ICE2: variants seen among roughly 807,000 people sequenced by gnomAD.
ICE2 encodes the protein little elongation complex subunit 2.
Under a neutral mutation model 105.4 loss-of-function variants are expected in ICE2, and 87 were observed. The ratio of observed to expected loss-of-function variants is 0.83; its 90% CI spans 0.69 to 0.99. The LOEUF (loss-of-function observed/expected upper bound fraction) is 0.99. Ranked by LOEUF, ICE2 falls within the 50% of genes least tolerant of loss-of-function variation. The pLI is 0.00. For missense variants in ICE2, 1,323 were observed against 1,146.7 expected, an observed-to-expected ratio of 1.15 and a Z score of -2.22; for synonymous variants, 399 against 392.0, an observed-to-expected ratio of 1.02 and a Z score of -0.21.
At chr15:60,434,040 C>T (rs2063523195) in intron 13 of ICE2, among the ~76,000 whole-genome samples, 1 of 152,070 alleles carries the variant, frequency 6.6e-6, no homozygotes, top group Admixed American at 6.6e-5. Flanking sequence ...CATTTCTTAC[C>T]CTAAGTGGGA....
At position 60,449,535 on chromosome 15, in the gene ICE2, G is replaced by A. The variant is rs2063910009; in HGVS notation, c.1432C>T (p.Pro478Ser). ...TCATCTTTATTTTTGCATTCCTCAG[G>A]GCCACCATCCATACCAGTGACCAGC... is the stretch of plus-strand genomic sequence containing the variant. ...KQLVTGMDGG[P>S]EECKNKDDQG... Residue 478 changes from proline to serine, a missense_variant, in exon 10 of 16, where the codon CCT becomes TCT. Transcript: ENST00000261520. The A allele has an allele frequency of 6.2e-7, 1 of 1,613,938 alleles. No individual in the cohort carries two copies. The highest frequency in any genetic ancestry group is 2.2e-5 in the East Asian group (1 of 44,880).
At chr15:60,429,812 T>C (rs750712522) in intron 14 of ICE2, among the ~76,000 whole-genome samples, 1 of 152,194 alleles carries the variant, frequency 6.6e-6, no homozygotes, top group African/African-American at 2.4e-5. Flanking sequence ...ATAGTAGGAA[T>C]AAATAACATT....
intron 11 of ICE2, among the ~76,000 whole-genome samples, chr15:60,444,943 C>A (rs2063791462): frequency 6.6e-6 from 1 of 152,172 alleles, no homozygotes; most frequent in Non-Finnish European, 1.5e-5. Flanking sequence ...CCTTGGCCTC[C>A]AAAAGAGTTG....
Position 60,448,857 on chromosome 15 carries a change from G to C in ICE2, c.2110C>G (p.Pro704Ala). 6.3e-7 allele frequency: 1 copy of C among 1,579,134 alleles called. No homozygotes were observed. Among genetic ancestry groups the C allele is most frequent in the Non-Finnish European group, 8.6e-7 (1 of 1,167,856 alleles). ...KSGWPSAFQK[P>A]KGRLPYELQD... is the part of the protein sequence containing the mutation. Reference sequence around the variant, plus strand: ...GTAAATATTTACTTACGTCCTTTTGGCTTCTGAAATGCAGAAGGCCATCCA... The same window carrying C: ...GTAAATATTTACTTACGTCCTTTTGCCTTCTGAAATGCAGAAGGCCATCCA... The change falls in exon 10 of 16, where the codon CCA (proline) becomes GCA (alanine). Residue 704 changes from proline (P) to alanine (A), a missense_variant. By Grantham distance (27) the Pro-to-Ala change is conservative (BLOSUM62 -1). Transcript: ENST00000261520.
At chr15:60,458,414 C>A (rs1415437403) in intron 5 of ICE2, among the ~76,000 whole-genome samples, 1 of 151,862 alleles carries the variant, frequency 6.6e-6, no homozygotes, top group East Asian at 1.9e-4. Context: ...TTATTTTGGG[C>A]TGGAAAGGAA....
At chr15:60,433,339 G>A (rs1222272884) in intron 13 of ICE2, among the ~76,000 whole-genome samples, 2 of 152,016 alleles carry the variant, frequency 1.3e-5, no homozygotes, top group Admixed American at 1.3e-4. Context: ...ACCCGCCTCA[G>A]CTTCCCAAAG....
chr15:60,466,296 A>C (rs2064425837), intron 5 of ICE2, among the ~76,000 whole-genome samples: 1 of 152,238 alleles, frequency 6.6e-6, no homozygotes. Flanking sequence ...TTTAAATGCT[A>C]TTCTCTCACA....
intron 13 of ICE2, among the ~76,000 whole-genome samples, chr15:60,434,408 A>C (rs2063533495): frequency 6.6e-6 from 1 of 152,098 alleles, no homozygotes; most frequent in South Asian, 2.1e-4. Context: ...GCCTCCCTTA[A>C]GTAAAAAGGC....
intron 4 of ICE2, 22 bp from the exon 5 acceptor site, chr15:60,466,735 AT>A: frequency 6.4e-7 from 1 of 1,557,998 alleles, no homozygotes; most frequent in South Asian, 1.2e-5. Context: ...AAAAGTAGAC[AT>A]GTCTTGGGAT....
chr15:60,424,746 T>C (rs546213090), intron 15 of ICE2, among the ~76,000 whole-genome samples: 54 of 152,326 alleles, frequency 3.5e-4, no homozygotes, highest in African/African-American at 1.3e-3. Flanking sequence ...CCTCAAGTGA[T>C]CTGCCCGCCT....
intron 12 of ICE2, chr15:60,438,727 G>A (rs1017903346): frequency 6.6e-6 from 1 of 152,186 alleles, no homozygotes; most frequent in African/African-American, 2.4e-5. Context: ...ACCTACTCAA[G>A]GAGTTCACAA....
chr15:60,432,810 C>T (rs555478617), intron 13 of ICE2, among the ~76,000 whole-genome samples: 69 of 151,870 alleles, frequency 4.5e-4, no homozygotes, highest in Admixed American at 1.4e-3. Flanking sequence ...GAGAATGGCA[C>T]GAGCCCGGGA....
chr15:60,460,671 T>C (rs2064250223), intron 5 of ICE2, among the ~76,000 whole-genome samples: 1 of 152,206 alleles, frequency 6.6e-6, no homozygotes, highest in Admixed American at 6.5e-5. Context: ...GGATATTTAG[T>C]AGCACCTCTG....
At chr15:60,430,573 A>T (rs1291904708) in intron 14 of ICE2, among the ~76,000 whole-genome samples, 1 of 152,234 alleles carries the variant, frequency 6.6e-6, no homozygotes, top group Admixed American at 6.5e-5. Context: ...AGAACAGAAT[A>T]TATAAAATAA....
At position 60,448,178 on chromosome 15, in the gene ICE2, C is replaced by A. The variant is rs202053058; in HGVS notation, c.2120-33G>T. ...AATAGTATTTCTCATTTTTAAAATA[C>A]ATTAGCTCTTACCCATCATAAGCAA... On this transcript the variant is annotated intron_variant, in intron 10 of 15. Transcript: ENST00000261520. 10 of 1,388,582 alleles carry A rather than the reference C, an allele frequency of 7.2e-6. No homozygotes were observed. In the African/African-American group the frequency reaches 1.3e-4, roughly 18 times the overall value. 86.0% of individuals were successfully genotyped at this position (1,388,582 alleles called of 1,614,324 possible). A position where few individuals can be genotyped will look rare whatever the true frequency, so the allele number is the denominator to read the frequency against.
chr15:60,467,860 A>G (rs1207644268), intron 4 of ICE2, among the ~76,000 whole-genome samples: 1 of 152,224 alleles, frequency 6.6e-6, no homozygotes, highest in Non-Finnish European at 1.5e-5. Flanking sequence ...AACTGGAGTG[A>G]GTCATGCTCA....
intron 13 of ICE2, among the ~76,000 whole-genome samples, chr15:60,433,248 C>T (rs746668295): frequency 4.6e-5 from 7 of 151,142 alleles, no homozygotes; most frequent in East Asian, 2.0e-4. Flanking sequence ...CCACCACGCC[C>T]GGCTAAGTTT....
At position 60,455,348 on chromosome 15, in the gene ICE2, T is replaced by A; in HGVS notation, c.761A>T (p.Gln254Leu). 1 of 1,613,390 alleles carries A rather than the reference T, an allele frequency of 6.2e-7. No individual in the cohort carries two copies. Among genetic ancestry groups the A allele is most frequent in the East Asian group, 2.2e-5 (1 of 44,848 alleles). The change falls in exon 7 of 16, where the codon CAA becomes CTA. Residue 254 changes from glutamine (Q) to leucine (L), a missense_variant. Physicochemically the swap from Gln to Leu is moderately radical, Grantham distance 113. Coordinates refer to ENST00000261520, the MANE Select transcript of ICE2 (RefSeq NM_024611.6). ...DDIATIETSE[Q>L]TAEAMHYDIS... ...TACATAATGCATAGCTTCAGCTGTTTGTTCTGACGTTTCAATGGTAGCTAT... is the reference window on the plus strand; with the variant it reads ...TACATAATGCATAGCTTCAGCTGTTAGTTCTGACGTTTCAATGGTAGCTAT...
chr15:60,436,123 C>T lies in ICE2; in HGVS notation c.2510+20G>A. On this transcript the variant is annotated intron_variant, in intron 13 of 15. Transcript: ENST00000261520. ...CATTAACAAATTTTTCAATTCTCACCACAAAGTAAACTTTCTTACTTGAGT... is the reference window on the plus strand; with the variant it reads ...CATTAACAAATTTTTCAATTCTCACTACAAAGTAAACTTTCTTACTTGAGT... 1.8e-6 allele frequency: 2 copies of T among 1,085,954 alleles called. No individual in the cohort carries two copies. The highest frequency in any genetic ancestry group is 2.6e-6 in the Non-Finnish European group (2 of 759,246). The allele number at this position is 1,085,954 out of a possible 1,614,324, so 67.3% of individuals were successfully genotyped here.
Sources: gnomAD v4.1 joint callset for allele counts (sites outside exome capture counted in the v4.1 genomes callset) on GRCh38, gnomAD v4.1.1 for gene constraint, MANE v1.5 for transcripts, NCBI Gene and HGNC (gene_info 2026-07-23, HGNC 2026-07-21) for gene names.